MBOAT2: variants seen among roughly 807,000 people sequenced by gnomAD.
The protein encoded by MBOAT2 is membrane bound glycerophospholipid O-acyltransferase 2.
A neutral mutation model predicts 63.4 loss-of-function variants in MBOAT2; 28 were observed. The ratio of observed to expected loss-of-function variants is 0.44; its 90% CI spans 0.33 to 0.61. MBOAT2 has a LOEUF of 0.61. Ranked by LOEUF, MBOAT2 falls within the 20% of genes least tolerant of loss-of-function variation. The pLI is 0.03. For missense variants in MBOAT2, 470 were observed against 605.8 expected (o/e 0.78, Z 2.35); for synonymous variants, 211 against 215.6 (o/e 0.98, Z 0.19).
At chr2:8,898,683 G>A (rs1472907599) in intron 4 of MBOAT2, among the ~76,000 whole-genome samples, 1 of 152,232 alleles carries the variant, frequency 6.6e-6, no homozygotes, top group Admixed American at 6.5e-5. Flanking sequence ...ACAGGGGAGG[G>A]CTATCCCTAA....
chr2:8,926,423 T>C (rs957965022), intron 3 of MBOAT2, among the ~76,000 whole-genome samples: 29 of 152,074 alleles, frequency 1.9e-4, no homozygotes, highest in Non-Finnish European at 3.8e-4. Context: ...GCTGATTTAT[T>C]AAGAAAAGGG....
At chr2:8,953,712 A>G (rs751704074) in intron 2 of MBOAT2, among the ~76,000 whole-genome samples, 2 of 152,206 alleles carry the variant, frequency 1.3e-5, no homozygotes, top group Non-Finnish European at 2.9e-5. Flanking sequence ...CTTTTGGTCC[A>G]GTCTACTGAT....
rs1329883167 is a variant in MBOAT2 at position 8,854,361 on chromosome 2, G to C, written c.*4318C>G. 1 of 152,162 alleles carries C rather than the reference G, an allele frequency of 6.6e-6. No individual in the cohort carries two copies. Among genetic ancestry groups the C allele is most frequent in the Non-Finnish European group, 1.5e-5 (1 of 68,028 alleles). 9.4% of individuals were successfully genotyped at this position (152,162 alleles called of 1,614,324 possible). A position where few individuals can be genotyped will look rare whatever the true frequency, so the allele number is the denominator to read the frequency against. ...CAGCCACTCATTAAATGCACACTGGGTTAAATGCAGCAGTTTTATAAGGTA... is the reference window on the plus strand; with the variant it reads ...CAGCCACTCATTAAATGCACACTGGCTTAAATGCAGCAGTTTTATAAGGTA... On this transcript the variant is annotated 3_prime_UTR_variant, in exon 13 of 13. Transcript: ENST00000305997.
intron 3 of MBOAT2, among the ~76,000 whole-genome samples, chr2:8,937,186 AG>A (rs1332298998): frequency 4.6e-5 from 7 of 152,354 alleles, no homozygotes; most frequent in South Asian, 4.1e-4. Flanking sequence ...GGGAGTCTAC[AG>A]TGGCTTTCAT....
chr2:8,941,662 A>G (rs1358149007), intron 3 of MBOAT2, among the ~76,000 whole-genome samples: 1 of 152,158 alleles, frequency 6.6e-6, no homozygotes, highest in Non-Finnish European at 1.5e-5. Context: ...AGGAAAAAAA[A>G]AAAAAAGAAA....
At chr2:8,920,431 A>G (rs997924223) in intron 3 of MBOAT2, among the ~76,000 whole-genome samples, 39 of 152,232 alleles carry the variant, frequency 2.6e-4, no homozygotes, top group African/African-American at 9.4e-4. Context: ...TCTTGATCAC[A>G]GTAGCATGAG....
At chr2:8,969,721 T>A (rs2103305913) in intron 1 of MBOAT2, among the ~76,000 whole-genome samples, 1 of 152,314 alleles carries the variant, frequency 6.6e-6, no homozygotes, top group Non-Finnish European at 1.5e-5. Context: ...CTTGCAATCC[T>A]AGTCTCTGAT....
At chr2:8,999,278 A>C (rs1269341510) in intron 1 of MBOAT2, among the ~76,000 whole-genome samples, 1 of 152,222 alleles carries the variant, frequency 6.6e-6, no homozygotes. Context: ...CCTGGATATC[A>C]CATCACTAGG....
chr2:8,874,208 A>G (rs754422937), intron 7 of MBOAT2, among the ~76,000 whole-genome samples: 5 of 152,208 alleles, frequency 3.3e-5, no homozygotes, highest in Non-Finnish European at 5.9e-5. Context: ...CATATGCCGG[A>G]TGCACTGCAC....
intron 2 of MBOAT2, among the ~76,000 whole-genome samples, chr2:8,949,721 T>C (rs983758510): frequency 6.6e-6 from 1 of 152,240 alleles, no homozygotes; most frequent in Non-Finnish European, 1.5e-5. Context: ...ACCAGTATCA[T>C]GCTGTTTTGG....
chr2:8,925,199 A>G (rs933569871), intron 3 of MBOAT2, among the ~76,000 whole-genome samples: 4 of 151,980 alleles, frequency 2.6e-5, no homozygotes, highest in African/African-American at 7.2e-5. Context: ...TTACACCAAG[A>G]TTAGAACCTA....
intron 5 of MBOAT2, among the ~76,000 whole-genome samples, chr2:8,886,734 T>G (rs113931643): frequency 0.013 from 1,975 of 152,314 alleles, 19 homozygotes; most frequent in Middle Eastern, 0.037. Flanking sequence ...AATATATATA[T>G]TGTCATCAGA....
At chr2:8,908,543 A>G in intron 4 of MBOAT2, 78 bp downstream of exon 4, 1 of 761,546 alleles carries the variant, frequency 1.3e-6, no homozygotes, top group Admixed American at 2.5e-5. Flanking sequence ...TGAACTACTA[A>G]ATGCAAATAT....
At chr2:8,968,602 A>T (rs1160627844) in intron 1 of MBOAT2, among the ~76,000 whole-genome samples, 1 of 152,224 alleles carries the variant, frequency 6.6e-6, no homozygotes, top group African/African-American at 2.4e-5. Context: ...GGAAGTTTGA[A>T]CCCATCACAA....
intron 2 of MBOAT2, among the ~76,000 whole-genome samples, chr2:8,954,468 A>G (rs1669067659): frequency 6.6e-6 from 1 of 152,142 alleles, no homozygotes; most frequent in African/African-American, 2.4e-5. Context: ...GCAGGCACAG[A>G]CACTAGCGCC....
At chr2:8,903,865 C>T (rs771859262) in intron 4 of MBOAT2, among the ~76,000 whole-genome samples, 1 of 152,198 alleles carries the variant, frequency 6.6e-6, no homozygotes, top group Non-Finnish European at 1.5e-5. Context: ...AGCATTTATT[C>T]TTCTAGAGAA....
chr2:8,920,480 T>C (rs755306137), intron 3 of MBOAT2, among the ~76,000 whole-genome samples: 6 of 152,178 alleles, frequency 3.9e-5, no homozygotes, highest in Non-Finnish European at 8.8e-5. Context: ...AACTCTGTTA[T>C]ACTTTTTCAA....
At position 8,856,771 on chromosome 2, in the gene MBOAT2, T is replaced by G. The variant is rs1661117041; in HGVS notation, c.*1908A>C. 6.6e-6 allele frequency: 1 copy of G among 152,096 alleles called. No individual in the cohort carries two copies. Among genetic ancestry groups the G allele is most frequent in the Non-Finnish European group, 1.5e-5 (1 of 68,074 alleles). The allele number at this position is 152,096 out of a possible 1,614,324, so 9.4% of individuals were successfully genotyped here. A position where few individuals can be genotyped will look rare whatever the true frequency, so the allele number is the denominator to read the frequency against. ...GGATTCACCACGTTGGCCAGGCTGG[T>G]CTCCAACTCCTGACCTCAAGTGATC... On this transcript the variant is annotated 3_prime_UTR_variant, in exon 13 of 13. Coordinates refer to ENST00000305997, the MANE Select transcript of MBOAT2 (RefSeq NM_138799.4). The surrounding 1 kb of genome is among the most constrained non-coding windows in gnomAD (Gnocchi z 4.2).
chr2:8,877,135 G>T lies in MBOAT2; in HGVS notation c.585C>A (p.Tyr195Ter). 6.2e-7 allele frequency: 1 copy of T among 1,614,098 alleles called. No individual in the cohort carries two copies. ...CTTCAATGAAAGTAATGTAGTCTTT[G>T]TAAGAGCAAAGTGGGCCTGCCAGGA... ...MGILAGPLCS[Y>*]KDYITFIEGR... Residue 195 changes from tyrosine to a stop codon, truncating the protein, a stop_gained, in exon 7 of 13, where the codon TAC becomes TAA. Coordinates refer to ENST00000305997, the MANE Select transcript of MBOAT2 (RefSeq NM_138799.4). LOFTEE classifies it high-confidence loss of function.
Sources: allele counts gnomAD v4.1 joint callset (sites outside exome capture counted in the v4.1 genomes callset), GRCh38; gene constraint gnomAD v4.1.1; non-coding constraint Gnocchi (gnomAD v3.1); transcripts MANE v1.5; gene names NCBI Gene and HGNC (gene_info 2026-07-23, HGNC 2026-07-21).